Variants in ZNF527 observed in about 807,000 individuals in gnomAD.
ZNF527 encodes the protein zinc finger protein 527.
ZNF527 carries 5 observed loss-of-function variants against 13.5 expected under a neutral mutation model. The observed-to-expected ratio is 0.37, with a 90% CI of 0.19 to 0.78. The LOEUF (loss-of-function observed/expected upper bound fraction) is 0.78, where lower values mean the gene tolerates loss of function less well. Among genes scored for constraint, ZNF527 ranks in the 30% least tolerant of loss-of-function variants. The probability of loss-of-function intolerance (pLI) is 0.48; values close to 1 mark genes in which losing one functional copy is unlikely to be tolerated. For synonymous variants in ZNF527, 209 were observed against 243.1 expected, an observed-to-expected ratio of 0.86 and a Z score of 1.30; for missense variants, 628 against 726.4, an observed-to-expected ratio of 0.86 and a Z score of 1.56.
At chr19:37,384,750 T>C (rs2040683937) in intron 4 of ZNF527, 1 of 523,906 alleles carries the variant, frequency 1.9e-6, no homozygotes, top group African/African-American at 1.9e-5. Context: ...AATGCTGTTA[T>C]GGTTTTAATT....
rs981658824 is a variant in ZNF527, at chr19:37,379,037, T to C, written c.34-83T>C. On this transcript the variant is annotated intron_variant, in intron 2 of 4. Coordinates refer to ENST00000436120, the MANE Select transcript of ZNF527 (RefSeq NM_032453.2). Reference sequence around the variant, plus strand: ...TATTTTCCTCGCATCACTTAGAGCTTTGAACTCTGGCCAAATTCATCTTTT... The same window carrying C: ...TATTTTCCTCGCATCACTTAGAGCTCTGAACTCTGGCCAAATTCATCTTTT... 1.9e-6 allele frequency: 3 copies of C among 1,550,878 alleles called. No individual in the cohort carries two copies. In the East Asian group the frequency reaches 6.8e-5, roughly 35 times the overall value.
chr19:37,389,582 A>G lies in ZNF527; in HGVS notation c.1533A>G (p.Leu511=), dbSNP rs376502869. Residue 511 remains leucine (L), a synonymous_variant, in exon 5 of 5, where the codon TTA becomes TTG. Coordinates refer to ENST00000436120, the MANE Select transcript of ZNF527 (RefSeq NM_032453.2). ...GTGGGAAAGCCTTCAGTGATGCTTTAGTTCTAATTCACCATAAGAGAAGTC... is the reference window on the plus strand; with the variant it reads ...GTGGGAAAGCCTTCAGTGATGCTTTGGTTCTAATTCACCATAAGAGAAGTC... The part of the protein sequence containing the change: ...SKCGKAFSDA[L]VLIHHKRSHA... 39 of 1,614,070 alleles carry G rather than the reference A, an allele frequency of 2.4e-5. No individual in the cohort carries two copies. Among genetic ancestry groups the G allele is most frequent in the African/African-American group, 1.2e-4 (9 of 74,930 alleles).
At chr19:37,379,312 G>A in intron 3 of ZNF527, 66 bp downstream of exon 3, 2 of 1,499,604 alleles carry the variant, frequency 1.3e-6, no homozygotes, top group Non-Finnish European at 1.8e-6. Flanking sequence ...CCTCTGTTGA[G>A]AATATCTAGG....
At chr19:37,378,034 CTT>C (rs111409931) in intron 2 of ZNF527, among the ~76,000 whole-genome samples, 7 of 143,796 alleles carry the variant, frequency 4.9e-5, no homozygotes, top group Admixed American at 7.0e-5. Context: ...TATTTCTTTT[CTT>C]TTTTTTTTTT....
At position 37,389,548 on chromosome 19, in the gene ZNF527, GCAGTAAATGTGGGAAAGCCTT is replaced by G; in HGVS notation, c.1504_1524del (p.Lys502_Ser508del). 1 of 1,614,194 alleles carries G rather than the reference GCAGTAAATGTGGGAAAGCCTT, an allele frequency of 6.2e-7. No individual in the cohort carries two copies. On this transcript the variant is annotated inframe_deletion, in exon 5 of 5. Coordinates refer to ENST00000436120, the MANE Select transcript of ZNF527 (RefSeq NM_032453.2). ...CACACTGGAGAGAGACCATTTGAAT[GCAGTAAATGTGGGAAAGCCTT>G]CAGTGATGCTTTAGTTCTAATTCAC... is the stretch of plus-strand genomic sequence containing the variant.
intron 4 of ZNF527, among the ~76,000 whole-genome samples, chr19:37,386,608 C>T (rs1244555460): frequency 6.6e-6 from 1 of 152,148 alleles, no homozygotes; most frequent in Non-Finnish European, 1.5e-5. Flanking sequence ...TACTTAGTGG[C>T]TACCGTATTG....
intron 3 of ZNF527, 31 bp downstream of exon 3, chr19:37,379,277 A>G (rs147396847): frequency 6.4e-7 from 1 of 1,557,414 alleles, no homozygotes; most frequent in Non-Finnish European, 8.6e-7. Context: ...TAATTTAAAA[A>G]TCTTCCTCTG....
intron 2 of ZNF527, 71 bp from the exon 3 acceptor site, chr19:37,379,049 C>A: frequency 6.3e-7 from 1 of 1,588,194 alleles, no homozygotes; most frequent in Non-Finnish European, 8.6e-7. Context: ...GAACTCTGGC[C>A]AAATTCATCT....
chr19:37,380,093 C>T (rs1421219689), intron 3 of ZNF527, 184 bp from the exon 4 acceptor site: 1 of 1,204,046 alleles, frequency 8.3e-7, no homozygotes, highest in African/African-American at 1.5e-5. Context: ...ACTGTCACGG[C>T]AGAAGCTTCA....
chr19:37,386,477 A>G (rs1290943247), intron 4 of ZNF527, among the ~76,000 whole-genome samples: 1 of 152,128 alleles, frequency 6.6e-6, no homozygotes, highest in African/African-American at 2.4e-5. Context: ...GAAATAATCT[A>G]TATGTGTGCT....
At position 37,388,535 on chromosome 19, in the gene ZNF527, C is replaced by T. The variant is rs1337465182; in HGVS notation, c.486C>T (p.Asp162=). The part of the protein sequence containing the change: ...AVKEISTGKR[D]NEFSNSGRSI... ...AGGAAATCTCTACTGGGAAAAGAGA[C>T]AATGAATTTAGTAATTCTGGGAGAA... The change falls in exon 5 of 5, where the codon GAC becomes GAT. Residue 162 remains aspartate, a synonymous_variant. Transcript: ENST00000436120. The T allele has an allele frequency of 6.2e-7, 1 of 1,614,110 alleles. No individual in the cohort carries two copies. The highest frequency in any genetic ancestry group is 8.5e-7 in the Non-Finnish European group (1 of 1,180,004).
intron 3 of ZNF527, chr19:37,380,036 A>G (rs907310771): frequency 4.3e-5 from 23 of 532,762 alleles, no homozygotes; most frequent in Non-Finnish European, 5.5e-5. Context: ...TGCATTTCTA[A>G]TTAGTTCCTA....
chr19:37,373,509 C>A (rs796166762), intron 1 of ZNF527, among the ~76,000 whole-genome samples: 3 of 152,016 alleles, frequency 2.0e-5, no homozygotes, highest in African/African-American at 7.3e-5. Flanking sequence ...ACCTGTGAAC[C>A]AAACAAAACC....
intron 2 of ZNF527, 88 bp from the exon 3 acceptor site, chr19:37,379,032 G>C (rs1377784823): frequency 1.4e-6 from 2 of 1,478,330 alleles, no homozygotes; most frequent in Non-Finnish European, 1.9e-6. Context: ...GCATCACTTA[G>C]AGCTTTGAAC....
rs1460186137 is a variant in ZNF527 at position 37,389,081 on chromosome 19, C to T, written c.1032C>T (p.His344=). The change falls in exon 5 of 5, where the codon CAC becomes CAT. Residue 344 remains histidine, a synonymous_variant. Transcript: ENST00000436120. ...ACAAAGCTTTCAGACAGAGTGCTCA[C>T]CTTGCTCAACATCAGAGGATCCACA... ...ECNKAFRQSA[H]LAQHQRIHTG... 3.7e-6 allele frequency: 6 copies of T among 1,613,950 alleles called. No homozygotes were observed. The highest frequency in any genetic ancestry group is 5.1e-6 in the Non-Finnish European group (6 of 1,180,010).
chr19:37,378,652 G>T (rs950277665), intron 2 of ZNF527, among the ~76,000 whole-genome samples: 29 of 152,048 alleles, frequency 1.9e-4, no homozygotes, highest in African/African-American at 5.8e-4. Context: ...TATCTAAGTT[G>T]CTTCACATAT....
intron 2 of ZNF527, among the ~76,000 whole-genome samples, chr19:37,374,474 C>T (rs956260041): frequency 1.1e-4 from 17 of 152,168 alleles, no homozygotes; most frequent in Admixed American, 2.0e-4. Flanking sequence ...GCAATGAGTG[C>T]AAGTGAAATA....
Position 37,388,796 on chromosome 19 carries a change from T to C in ZNF527, c.747T>C (p.His249=), listed in dbSNP as rs759269545. 1 of 1,613,086 alleles carries C rather than the reference T, an allele frequency of 6.2e-7. No individual in the cohort carries two copies. The highest frequency in any genetic ancestry group is 1.1e-5 in the South Asian group (1 of 90,890). The change falls in exon 5 of 5, where the codon CAT becomes CAC. Residue 249 remains histidine (H), a synonymous_variant. Transcript: ENST00000436120. ...CTGGGGAGAAACCTTATGAAAGTCA[T>C]GATTTTTCAAAGCTCTTAAGTTTCC... ...IPPGEKPYES[H]DFSKLLSFHS... is the part of the protein sequence containing the mutation.
At chr19:37,373,459 G>C (rs1438632705) in intron 1 of ZNF527, among the ~76,000 whole-genome samples, 1 of 152,134 alleles carries the variant, frequency 6.6e-6, no homozygotes. Context: ...AATTTTTTGA[G>C]AGACTACAAT....
Sources: gnomAD v4.1 joint callset for allele counts (sites outside exome capture counted in the v4.1 genomes callset) on GRCh38, gnomAD v4.1.1 for gene constraint, MANE v1.5 for transcripts, NCBI Gene and HGNC (gene_info 2026-07-23, HGNC 2026-07-21) for gene names.